The following ARRB1 variants were observed in gnomAD, a reference collection of about 807,000 sequenced individuals.
The protein encoded by ARRB1 is arrestin beta 1.
Under a neutral mutation model 56.8 loss-of-function variants are expected in ARRB1, and 21 were observed. The observed-to-expected ratio is 0.37, with a 90% CI of 0.26 to 0.53. ARRB1 has a LOEUF of 0.53. Among genes scored for constraint, ARRB1 ranks in the 20% least tolerant of loss-of-function variants. The pLI, the probability that ARRB1 is intolerant of heterozygous loss-of-function variation, is 0.88. For synonymous variants in ARRB1, 210 were observed against 218.6 expected, an observed-to-expected ratio of 0.96 and a Z score of 0.35; for missense variants, 424 against 553.7, an observed-to-expected ratio of 0.77 and a Z score of 2.35.
chr11:75,261,588 G>A lies in ARRB1; in HGVS notation c.*4575C>T, dbSNP rs183519483. 166 of 152,282 alleles carry A rather than the reference G, an allele frequency of 1.1e-3. No individual in the cohort carries two copies. The highest frequency in any genetic ancestry group is 3.8e-3 in the African/African-American group (158 of 41,550). The allele number at this position is 152,282 out of a possible 1,614,324, so 9.4% of individuals were successfully genotyped here. ...CTGTGTCAGTGTCTACAAACCATAG[G>A]CCCCACGGACCTGTGCTTTGACTTC... On this transcript the variant is annotated 3_prime_UTR_variant, in exon 16 of 16. Transcript: ENST00000420843.
Position 75,271,703 on chromosome 11 carries a change from G to A in ARRB1, c.1020C>T (p.Ser340=), listed in dbSNP as rs748170131. 6.4e-7 allele frequency: 1 copy of A among 1,570,274 alleles called. No individual in the cohort carries two copies. Among genetic ancestry groups the A allele is most frequent in the South Asian group, 1.2e-5 (1 of 84,814 alleles). ...SRGGLLGDLA[S]SDVAVELPFT... is the part of the protein sequence containing the mutation. ...CCAGGTGGAAGGGAGGAATTTACCT[G>A]GATGCAAGATCTCCCAACAGGCTGG... Residue 340 remains serine (S), a splice_region_variant and synonymous_variant, in exon 13 of 16, where the codon TCC becomes TCT. Coordinates refer to ENST00000420843, the MANE Select transcript of ARRB1 (RefSeq NM_004041.5).
At chr11:75,288,673 T>G (rs1212769357) in intron 2 of ARRB1, among the ~76,000 whole-genome samples, 1 of 150,872 alleles carries the variant, frequency 6.6e-6, no homozygotes, top group Admixed American at 6.6e-5. Flanking sequence ...TGGAGTGCAG[T>G]GGTGCAATTT....
Position 75,287,345 on chromosome 11 carries a change from C to G in ARRB1, c.82G>C (p.Val28Leu). ...LTVYLGKRDF[V>L]DHIDLVDPVD... ...GGGTCCACGAGGTCGATGTGGTCCA[C>G]AAAGTCCCGCTTTCCCAGGTAGACG... The change falls in exon 3 of 16, where the codon GTG becomes CTG. Residue 28 changes from valine to leucine, a missense_variant. Val to Leu is a conservative substitution (Grantham distance 32). Around this residue, in one of 3 missense-constraint regions of ARRB1, gnomAD observed 301 missense variants for 387.9 expected, o/e 0.78. Transcript: ENST00000420843. 6.4e-7 allele frequency: 1 copy of G among 1,560,594 alleles called. No individual in the cohort carries two copies. Among genetic ancestry groups the G allele is most frequent in the Non-Finnish European group, 8.7e-7 (1 of 1,151,762 alleles).
chr11:75,272,270 AAAG>A (rs1469244379), intron 12 of ARRB1, among the ~76,000 whole-genome samples: 1 of 152,266 alleles, frequency 6.6e-6, no homozygotes, highest in Non-Finnish European at 1.5e-5. Flanking sequence ...AAGTTACAAA[AAAG>A]AAACACAGTA....
At chr11:75,328,520 T>C (rs1191608331) in intron 1 of ARRB1, among the ~76,000 whole-genome samples, 3 of 152,234 alleles carry the variant, frequency 2.0e-5, no homozygotes, top group African/African-American at 4.8e-5. Flanking sequence ...CTGAAGCCCC[T>C]GCCGCCCAAA....
intron 1 of ARRB1, among the ~76,000 whole-genome samples, chr11:75,335,441 C>A (rs927982028): frequency 6.6e-6 from 1 of 152,116 alleles, no homozygotes; most frequent in Non-Finnish European, 1.5e-5. Flanking sequence ...AAAAATTAGC[C>A]TGGGATGGTG....
intron 1 of ARRB1, among the ~76,000 whole-genome samples, chr11:75,290,640 C>T (rs751153836): frequency 2.6e-5 from 4 of 152,304 alleles, no homozygotes; most frequent in South Asian, 4.1e-4. Context: ...AGTGCAGTGG[C>T]GTGATCTCAG....
chr11:75,333,713 G>A (rs144835319), intron 1 of ARRB1, among the ~76,000 whole-genome samples: 236 of 152,234 alleles, frequency 1.6e-3, no homozygotes, highest in African/African-American at 5.3e-3. Flanking sequence ...TTATGTAACC[G>A]TCTCTAGGTC....
chr11:75,300,789 A>C (rs2140461307), intron 1 of ARRB1, among the ~76,000 whole-genome samples: 1 of 150,394 alleles, frequency 6.6e-6, no homozygotes, highest in African/African-American at 2.5e-5. Context: ...ACACAGTGAA[A>C]CCCCGTCTCT....
intron 7 of ARRB1, among the ~76,000 whole-genome samples, chr11:75,279,990 C>T (rs1946290491): frequency 6.6e-6 from 1 of 152,188 alleles, no homozygotes; most frequent in Non-Finnish European, 1.5e-5. Context: ...CTTAGAGCTG[C>T]TGTGAGGATT....
At chr11:75,276,547 G>A (rs546442829) in intron 10 of ARRB1, among the ~76,000 whole-genome samples, 5 of 152,162 alleles carry the variant, frequency 3.3e-5, no homozygotes, top group Non-Finnish European at 4.4e-5. Context: ...CTTGTACAAC[G>A]TAATTATTTC....
chr11:75,291,573 C>T (rs1361716839), intron 1 of ARRB1, among the ~76,000 whole-genome samples: 1 of 152,102 alleles, frequency 6.6e-6, no homozygotes, highest in African/African-American at 2.4e-5. Flanking sequence ...CTCCTCCTGC[C>T]CTCTCCCCCG....
intron 5 of ARRB1, 40 bp downstream of exon 5, chr11:75,283,247 G>A (rs1326921336): frequency 1.9e-6 from 3 of 1,556,930 alleles, no homozygotes; most frequent in East Asian, 4.5e-5. Context: ...CCTAGAGGTG[G>A]CATTTCTGGA....
intron 6 of ARRB1, chr11:75,281,737 G>A (rs745860145): frequency 1.6e-4 from 87 of 553,152 alleles, no homozygotes; most frequent in Non-Finnish European, 9.7e-5. Flanking sequence ...ACCCAGGAGA[G>A]CCTCCAGACC....
chr11:75,290,096 T>G, intron 1 of ARRB1, 57 bp from the exon 2 acceptor site: 1 of 1,609,830 alleles, frequency 6.2e-7, no homozygotes, highest in South Asian at 1.1e-5. Flanking sequence ...AGGGGCAAGC[T>G]CCTGCGGGCC....
intron 1 of ARRB1, among the ~76,000 whole-genome samples, chr11:75,313,342 C>T (rs955917877): frequency 6.6e-6 from 1 of 152,172 alleles, no homozygotes; most frequent in Non-Finnish European, 1.5e-5. Context: ...CAGAGTGAGA[C>T]TCCATCTCAA....
chr11:75,279,707 G>T (rs957029125), intron 7 of ARRB1, among the ~76,000 whole-genome samples: 14 of 152,072 alleles, frequency 9.2e-5, no homozygotes, highest in Non-Finnish European at 1.5e-5. Context: ...TCACTCTGTT[G>T]CCCAGGCTGG....
At chr11:75,278,463 T>A in intron 8 of ARRB1, 146 bp downstream of exon 8, 5 of 1,186,860 alleles carry the variant, frequency 4.2e-6, no homozygotes, top group Non-Finnish European at 4.6e-6. Context: ...CCATGAGAGG[T>A]CTCAGATTCC....
At chr11:75,278,480 C>A in intron 8 of ARRB1, 129 bp downstream of exon 8, 1 of 1,347,660 alleles carries the variant, frequency 7.4e-7, no homozygotes, top group Non-Finnish European at 1.0e-6. Context: ...TTCCCTGACC[C>A]CTGTGGTCCT....
Sources: gnomAD v4.1 joint callset for allele counts (sites outside exome capture counted in the v4.1 genomes callset) on GRCh38, gnomAD v4.1.1 for gene constraint, gnomAD v4.1.1 regional missense constraint, MANE v1.5 for transcripts, NCBI Gene and HGNC (gene_info 2026-07-23, HGNC 2026-07-21) for gene names.